The following ZFHX4 variants were observed in gnomAD, a reference collection of about 807,000 sequenced individuals.
ZFHX4 encodes zinc finger homeobox protein 4.
ZFHX4 carries 56 observed loss-of-function variants against 267.6 expected under a neutral mutation model. That is an observed-to-expected ratio of 0.21 (90% confidence interval 0.17 to 0.26). The LOEUF (loss-of-function observed/expected upper bound fraction) is 0.26. ZFHX4 is among the 10% of genes least tolerant of loss of function. The pLI, the probability that ZFHX4 is intolerant of heterozygous loss-of-function variation, is 1.00. For synonymous variants in ZFHX4, 1,778 were observed against 1,665.6 expected (o/e 1.07, Z -1.64); for missense variants, 4,332 against 4,420.0 (o/e 0.98, Z 0.56).
rs748549046 is a variant in ZFHX4, at chr8:76,864,614, A to T, written c.*49A>T. 4.8e-5 allele frequency: 54 copies of T among 1,133,430 alleles called. No individual in the cohort carries two copies. Among genetic ancestry groups the T allele is most frequent in the Admixed American group, 1.2e-4 (2 of 16,038 alleles). The allele number at this position is 1,133,430 out of a possible 1,614,324, so 70.2% of individuals were successfully genotyped here. A position where few individuals can be genotyped will look rare whatever the true frequency, so the allele number is the denominator to read the frequency against. On this transcript the variant is annotated 3_prime_UTR_variant, in exon 11 of 11. Coordinates refer to ENST00000651372, the MANE Select transcript of ZFHX4 (RefSeq NM_024721.5). ...TAAAAAAATAAAAAATAAAAAAATA[A>T]AAAAAAAATAAGACTTTAACTGCAG...
rs764870775 is a variant in ZFHX4, at chr8:76,855,204, G to T, written c.8283G>T (p.Glu2761Asp). The T allele has an allele frequency of 6.2e-7, 1 of 1,612,898 alleles. No individual in the cohort carries two copies. The highest frequency in any genetic ancestry group is 2.2e-5 in the East Asian group (1 of 44,818). The change falls in exon 10 of 11, where the codon GAG becomes GAT. Residue 2761 changes from glutamate (E) to aspartate (D), a missense_variant. This residue lies in a region of ZFHX4 where 1,648 missense variants were observed against 1,625.0 expected (regional missense o/e 1.01). Coordinates refer to ENST00000651372, the MANE Select transcript of ZFHX4 (RefSeq NM_024721.5). Reference protein sequence around the residue: ...TVSTPVSKTAELSPKNLLSPS... With the variant: ...TVSTPVSKTADLSPKNLLSPS... ...CAACACCTGTTAGTAAAACAGCAGAGCTGTCACCGAAGAATCTTTTAAGCC... is the reference window on the plus strand; with the variant it reads ...CAACACCTGTTAGTAAAACAGCAGATCTGTCACCGAAGAATCTTTTAAGCC...
chr8:76,852,427 C>G lies in ZFHX4; in HGVS notation c.5506C>G (p.Gln1836Glu). 6.4e-7 allele frequency: 1 copy of G among 1,558,654 alleles called. No individual in the cohort carries two copies. The highest frequency in any genetic ancestry group is 1.2e-5 in the South Asian group (1 of 84,576). The change falls in exon 10 of 11, where the codon CAA becomes GAA. Residue 1836 changes from glutamine to glutamate, a missense_variant. By Grantham distance (29) the Gln-to-Glu change is conservative. Transcript: ENST00000651372. ...QQQQASKLLK[Q>E]EQSNIVSADC... ...ACAGCAGGCAAGCAAATTATTGAAA[C>G]AAGAGCAAAGTAACATAGTGAGTGC...
At chr8:76,783,780 C>T (rs1810616145) in intron 4 of ZFHX4, among the ~76,000 whole-genome samples, 1 of 151,936 alleles carries the variant, frequency 6.6e-6, no homozygotes, top group Admixed American at 6.6e-5. Flanking sequence ...TAAATAATGA[C>T]TTTTCTTCTC....
chr8:76,785,989 T>C (rs564130029), intron 4 of ZFHX4, among the ~76,000 whole-genome samples: 134 of 152,258 alleles, frequency 8.8e-4, no homozygotes, highest in African/African-American at 3.2e-3. Flanking sequence ...CTTGATTTCC[T>C]CAACTCACGT....
At chr8:76,836,513 T>C (rs1051097565) in intron 5 of ZFHX4, among the ~76,000 whole-genome samples, 1 of 152,006 alleles carries the variant, frequency 6.6e-6, no homozygotes, top group African/African-American at 2.4e-5. Flanking sequence ...AAGGAGCCAA[T>C]TATGCAGAGT....
intron 4 of ZFHX4, among the ~76,000 whole-genome samples, chr8:76,818,963 G>A (rs114333369): frequency 9.9e-4 from 151 of 151,950 alleles, no homozygotes; most frequent in African/African-American, 3.4e-3. Flanking sequence ...CTAAATAGAA[G>A]CAATGAAGGA....
rs1280420163 is a variant in ZFHX4 at position 76,705,701 on chromosome 8, A to G, written c.1613A>G (p.Gln538Arg). The change falls in exon 2 of 11, where the codon CAG becomes CGG. Residue 538 changes from glutamine to arginine, a missense_variant. Transcript: ENST00000651372. ...TVSDDTEKKKQTAAVRASGSV... is the reference protein window; with the variant it reads ...TVSDDTEKKKRTAAVRASGSV... ...TCTGATGACACAGAAAAGAAAAAAC[A>G]GACTGCTGCTGTTAGGGCCAGTGGC... The G allele has an allele frequency of 1.2e-6, 2 of 1,614,054 alleles. No individual in the cohort carries two copies. The highest frequency in any genetic ancestry group is 2.2e-5 in the East Asian group (1 of 44,878).
intron 3 of ZFHX4, among the ~76,000 whole-genome samples, chr8:76,761,694 T>C (rs1809917357): frequency 6.6e-6 from 1 of 152,182 alleles, no homozygotes; most frequent in Non-Finnish European, 1.5e-5. Context: ...AAGTATTTAA[T>C]AGTCAAGCTG....
intron 3 of ZFHX4, among the ~76,000 whole-genome samples, chr8:76,743,311 T>A (rs1030084632): frequency 6.6e-6 from 1 of 152,182 alleles, no homozygotes; most frequent in African/African-American, 2.4e-5. Flanking sequence ...ATGTTGCACA[T>A]CTGAATATTG....
chr8:76,708,737 T>A (rs1468344353), intron 3 of ZFHX4, among the ~76,000 whole-genome samples: 2 of 152,246 alleles, frequency 1.3e-5, no homozygotes, highest in East Asian at 3.8e-4. Flanking sequence ...ACTGAATACG[T>A]GCAAGTGATG....
chr8:76,728,640 A>G (rs1808918586), intron 3 of ZFHX4, among the ~76,000 whole-genome samples: 1 of 152,200 alleles, frequency 6.6e-6, no homozygotes, highest in African/African-American at 2.4e-5. Context: ...ATGGTTTTTA[A>G]TAATTTAAAC....
intron 3 of ZFHX4, among the ~76,000 whole-genome samples, chr8:76,764,077 C>G (rs967863328): frequency 6.6e-6 from 1 of 152,154 alleles, no homozygotes; most frequent in African/African-American, 2.4e-5. Context: ...CAGGGGTCCT[C>G]TCTTAGCATT....
intron 4 of ZFHX4, among the ~76,000 whole-genome samples, chr8:76,817,958 C>A (rs1044228384): frequency 1.3e-5 from 2 of 152,206 alleles, no homozygotes; most frequent in African/African-American, 2.4e-5. Context: ...CACTGAGCAA[C>A]AGCTCTGGGT....
At chr8:76,723,735 C>G (rs947511125) in intron 3 of ZFHX4, among the ~76,000 whole-genome samples, 10 of 151,730 alleles carry the variant, frequency 6.6e-5, no homozygotes, top group Admixed American at 6.6e-4. Context: ...ATATACTCAC[C>G]TATTAAACAA....
intron 1 of ZFHX4, among the ~76,000 whole-genome samples, chr8:76,691,100 T>G (rs1489530259): frequency 6.6e-6 from 1 of 152,016 alleles, no homozygotes; most frequent in African/African-American, 2.4e-5. Flanking sequence ...TATTGGCTAT[T>G]TGAAAAAGGC....
chr8:76,839,123 A>G (rs1417876464), intron 5 of ZFHX4, among the ~76,000 whole-genome samples: 1 of 150,780 alleles, frequency 6.6e-6, no homozygotes, highest in Non-Finnish European at 1.5e-5. Context: ...AATAAGTACA[A>G]TTGGGTGGTA....
Position 76,855,499 on chromosome 8 carries a change from T to G in ZFHX4, c.8578T>G (p.Cys2860Gly), listed in dbSNP as rs1030969933. 6.2e-7 allele frequency: 1 copy of G among 1,613,824 alleles called. No homozygotes were observed. The change falls in exon 10 of 11, where the codon TGC becomes GGC. Residue 2860 changes from cysteine (C) to glycine (G), a missense_variant. This residue lies in a region of ZFHX4 where 1,648 missense variants were observed against 1,625.0 expected (regional missense o/e 1.01). Transcript: ENST00000651372. The part of the protein sequence containing the change: ...KPATTPTTEV[C>G]DDKFLFSLTS... Reference sequence around the variant, plus strand: ...TGCAACCACACCTACCACGGAGGTCTGCGATGACAAATTTCTCTTTTCTCT... The same window carrying G: ...TGCAACCACACCTACCACGGAGGTCGGCGATGACAAATTTCTCTTTTCTCT...
At chr8:76,742,393 T>C (rs1244700927) in intron 3 of ZFHX4, among the ~76,000 whole-genome samples, 2 of 152,202 alleles carry the variant, frequency 1.3e-5, no homozygotes, top group Non-Finnish European at 2.9e-5. Context: ...ACTGGACCTT[T>C]ACCTAGCATC....
intron 3 of ZFHX4, among the ~76,000 whole-genome samples, chr8:76,772,128 A>T (rs1453538006): frequency 2.0e-5 from 3 of 152,082 alleles, no homozygotes; most frequent in Admixed American, 6.6e-5. Context: ...TATTGTGGAG[A>T]TTTAATAAAA....
Sources: gnomAD v4.1 joint callset for allele counts (sites outside exome capture counted in the v4.1 genomes callset) on GRCh38, gnomAD v4.1.1 for gene constraint, gnomAD v4.1.1 regional missense constraint, MANE v1.5 for transcripts, NCBI Gene and HGNC (gene_info 2026-07-23, HGNC 2026-07-21) for gene names.